The following SNTG1 variants were observed in gnomAD, a reference collection of about 807,000 sequenced individuals.
The protein encoded by SNTG1 is syntrophin gamma 1, also known as gamma-1-syntrophin.
In SNTG1, 39 loss-of-function variants were observed where a neutral mutation model predicts 74.7. The observed-to-expected ratio is 0.52, with a 90% CI of 0.40 to 0.68. The LOEUF (loss-of-function observed/expected upper bound fraction) is 0.68. SNTG1 is among the 30% of genes least tolerant of loss of function. The pLI is 0.00. For missense variants in SNTG1, 685 were observed against 609.5 expected (o/e 1.12, Z -1.30); for synonymous variants, 254 against 217.1 (o/e 1.17, Z -1.49).
At position 50,087,093 on chromosome 8, in the gene SNTG1, C is replaced by T. The variant is rs564433231; in HGVS notation, c.-102-85468C>T. On this transcript the variant is annotated intron_variant, in intron 1 of 18. Coordinates refer to ENST00000642720, the MANE Select transcript of SNTG1 (RefSeq NM_018967.5). ...CTTGAGGTATTACACCATTATGTTC[C>T]AGATAGTTTTTGTGAAATAAGTGAG... Among the ~76,000 whole-genome samples the T allele has an allele frequency of 7.9e-5, 12 of 152,188 alleles. No individual in the cohort carries two copies. In the South Asian group the frequency reaches 1.9e-3, roughly 24 times the overall value.
At chr8:50,416,218 T>C (rs936108903) in intron 4 of SNTG1, among the ~76,000 whole-genome samples, 2 of 152,142 alleles carry the variant, frequency 1.3e-5, no homozygotes, top group African/African-American at 4.8e-5. Flanking sequence ...TGATAATCTG[T>C]GGTTTGTGGG....
intron 4 of SNTG1, among the ~76,000 whole-genome samples, chr8:50,407,238 A>G (rs1193121275): frequency 1.3e-5 from 2 of 152,170 alleles, no homozygotes; most frequent in Non-Finnish European, 2.9e-5. Context: ...TATTACAACA[A>G]ATAGAGTGTT....
At chr8:50,078,254 T>A (rs990881576) in intron 1 of SNTG1, among the ~76,000 whole-genome samples, 1 of 152,188 alleles carries the variant, frequency 6.6e-6, no homozygotes, top group Non-Finnish European at 1.5e-5. Context: ...TTTTGGCAAT[T>A]CTAGTTCCTT....
chr8:50,381,448 A>G (rs1024890210), intron 2 of SNTG1, among the ~76,000 whole-genome samples: 2 of 151,028 alleles, frequency 1.3e-5, no homozygotes, highest in Non-Finnish European at 2.9e-5. Flanking sequence ...CTCCAGAGAA[A>G]AATAAGTTTT....
chr8:50,315,616 A>G lies in SNTG1; in HGVS notation c.-27-78596A>G, dbSNP rs552082995. 2.7e-4 allele frequency among the ~76,000 whole-genome samples: 41 copies of G among 150,134 alleles called. 1 individual carries two copies. The highest frequency in any genetic ancestry group is 9.9e-4 in the African/African-American group (40 of 40,376). ...ATGCAGATTGCTTCAATAAAGCAGA[A>G]AACCTGCAGTGTAGAACTAAAATGA... On this transcript the variant is annotated intron_variant, in intron 2 of 18. Coordinates refer to ENST00000642720, the MANE Select transcript of SNTG1 (RefSeq NM_018967.5).
At chr8:50,578,960 G>A (rs1309874361) in intron 12 of SNTG1, among the ~76,000 whole-genome samples, 1 of 152,120 alleles carries the variant, frequency 6.6e-6, no homozygotes, top group Admixed American at 6.6e-5. Context: ...TTGGGAGCTG[G>A]GTACCAGTTA....
intron 2 of SNTG1, among the ~76,000 whole-genome samples, chr8:50,205,486 G>A (rs146827760): frequency 0.014 from 2,127 of 152,246 alleles, 46 homozygotes; most frequent in African/African-American, 0.043. Context: ...TTTGTCAGAT[G>A]GGTAGATTGC....
chr8:50,217,538 T>G (rs1336772190), intron 2 of SNTG1, among the ~76,000 whole-genome samples: 1 of 152,132 alleles, frequency 6.6e-6, no homozygotes, highest in African/African-American at 2.4e-5. Flanking sequence ...AATAGCAGAT[T>G]TAATAGAAAA....
At chr8:50,518,502 AT>A (rs761756956) in intron 9 of SNTG1, among the ~76,000 whole-genome samples, 1 of 152,218 alleles carries the variant, frequency 6.6e-6, no homozygotes, top group Non-Finnish European at 1.5e-5. Flanking sequence ...CCTTCAAAAA[AT>A]CAATGAATCC....
At chr8:49,992,096 A>G (rs912596137) in intron 1 of SNTG1, among the ~76,000 whole-genome samples, 8 of 152,206 alleles carry the variant, frequency 5.3e-5, no homozygotes, top group Admixed American at 1.3e-4. Context: ...GAACTGGAAC[A>G]CACTGGAAAC....
chr8:50,092,142 G>A (rs1446135215), intron 1 of SNTG1, among the ~76,000 whole-genome samples: 1 of 152,122 alleles, frequency 6.6e-6, no homozygotes, highest in Non-Finnish European at 1.5e-5. Context: ...TTAGTTTTCT[G>A]ATGGCAGAAG....
chr8:50,211,797 C>T (rs1404436766), intron 2 of SNTG1, among the ~76,000 whole-genome samples: 2 of 152,058 alleles, frequency 1.3e-5, no homozygotes, highest in Non-Finnish European at 2.9e-5. Flanking sequence ...AGAAGGTTTA[C>T]ATTTGACAGT....
At chr8:50,385,641 G>A (rs574074180) in intron 2 of SNTG1, among the ~76,000 whole-genome samples, 1 of 152,316 alleles carries the variant, frequency 6.6e-6, no homozygotes, top group Admixed American at 6.5e-5. Context: ...TAGGGCTGAA[G>A]ATTGATACAT....
At chr8:50,220,282 C>T (rs1367235403) in intron 2 of SNTG1, among the ~76,000 whole-genome samples, 2 of 152,116 alleles carry the variant, frequency 1.3e-5, no homozygotes, top group Non-Finnish European at 2.9e-5. Context: ...TTGAACCACA[C>T]AAACTGCAAG....
At chr8:50,175,589 C>T (rs2082968928) in intron 2 of SNTG1, among the ~76,000 whole-genome samples, 1 of 152,188 alleles carries the variant, frequency 6.6e-6, no homozygotes, top group Admixed American at 6.5e-5. Context: ...GTGTCAGGGG[C>T]TGCTCTGCAT....
intron 4 of SNTG1, among the ~76,000 whole-genome samples, chr8:50,433,449 C>T (rs191592373): frequency 0.011 from 1,710 of 148,904 alleles, 13 homozygotes; most frequent in Non-Finnish European, 0.016. Context: ...ATTTCTCCCC[C>T]TTTTTACTAC....
At chr8:49,982,642 G>GTA (rs1311168557) in intron 1 of SNTG1, among the ~76,000 whole-genome samples, 1 of 148,844 alleles carries the variant, frequency 6.7e-6, no homozygotes, top group African/African-American at 2.5e-5. Context: ...AACAGTGTGT[G>GTA]TGTGTGTGTG....
At chr8:49,996,680 T>C (rs1218546820) in intron 1 of SNTG1, among the ~76,000 whole-genome samples, 1 of 152,152 alleles carries the variant, frequency 6.6e-6, no homozygotes, top group African/African-American at 2.4e-5. Context: ...ATTATCTAGA[T>C]AGATATGCCA....
rs1470960810 is a variant in SNTG1, at chr8:50,792,824, A to G, written c.1549A>G (p.Thr517Ala). ...TACCACGAGCAAAGCAAAGTATACA[A>G]CTTGACATACTGAACTCTTCATTGA... ...SATTSKAKYT[T>A] The change falls in exon 19 of 19, where the codon ACT becomes GCT. Residue 517 changes from threonine to alanine, a missense_variant. Coordinates refer to ENST00000642720, the MANE Select transcript of SNTG1 (RefSeq NM_018967.5). 8 of 1,611,318 alleles carry G rather than the reference A, an allele frequency of 5.0e-6. No homozygotes were observed. Among genetic ancestry groups the G allele is most frequent in the Non-Finnish European group, 5.1e-6 (6 of 1,178,308 alleles).
Sources: gnomAD v4.1 joint callset for allele counts (sites outside exome capture counted in the v4.1 genomes callset) on GRCh38, gnomAD v4.1.1 for gene constraint, MANE v1.5 for transcripts, NCBI Gene and HGNC (gene_info 2026-07-23, HGNC 2026-07-21) for gene names.